Variants in RIC8B observed in about 807,000 individuals in gnomAD.
RIC8B encodes chaperone Ric-8B.
Under a neutral mutation model 57.5 loss-of-function variants are expected in RIC8B, and 16 were observed. The ratio of observed to expected loss-of-function variants is 0.28; its 90% CI spans 0.19 to 0.42. The LOEUF (loss-of-function observed/expected upper bound fraction) is 0.42, where lower values mean the gene tolerates loss of function less well. Ranked by LOEUF, RIC8B falls within the 10% of genes least tolerant of loss-of-function variation. The pLI is 1.00. For missense variants in RIC8B, 481 were observed against 677.0 expected (o/e 0.71, Z 3.21); for synonymous variants, 216 against 250.8 (o/e 0.86, Z 1.31).
rs1349244823 is a variant in RIC8B at position 106,879,834 on chromosome 12, C to G, written c.1572-6070C>G. 1.0e-6 allele frequency: 1 copy of G among 985,258 alleles called. No homozygotes were observed. The highest frequency in any genetic ancestry group is 1.7e-5 in the African/African-American group (1 of 57,220). The allele number at this position is 985,258 out of a possible 1,614,324, so 61.0% of individuals were successfully genotyped here. ...CAGATGCCTGATCAGATGAGAAGCCCGCCATGATACTGTCACAGTGCCTAG... is the reference window on the plus strand; with the variant it reads ...CAGATGCCTGATCAGATGAGAAGCCGGCCATGATACTGTCACAGTGCCTAG... On this transcript the variant is annotated intron_variant, in intron 9 of 9. Coordinates refer to ENST00000392837, the MANE Select transcript of RIC8B (RefSeq NM_001330145.2). The surrounding 1 kb of genome is among the most constrained non-coding windows in gnomAD (Gnocchi z 4.9).
At chr12:106,858,179 C>T (rs1040330020) in intron 7 of RIC8B, among the ~76,000 whole-genome samples, 7 of 152,020 alleles carry the variant, frequency 4.6e-5, no homozygotes, top group Admixed American at 1.3e-4. Context: ...TTTAATTTTT[C>T]GCCATTTTGT....
At chr12:106,832,219 A>AT (rs1230737820) in intron 4 of RIC8B, among the ~76,000 whole-genome samples, 1 of 151,930 alleles carries the variant, frequency 6.6e-6, no homozygotes, top group Non-Finnish European at 1.5e-5. Flanking sequence ...CATCTGCTTT[A>AT]TTTTTTTCAT....
intron 1 of RIC8B, among the ~76,000 whole-genome samples, chr12:106,783,592 C>G (rs1447640672): frequency 6.6e-6 from 1 of 152,196 alleles, no homozygotes; most frequent in Non-Finnish European, 1.5e-5. Flanking sequence ...GTCCTGTGTT[C>G]CAGTCTCACA....
At chr12:106,812,554 T>A (rs1028128398) in intron 2 of RIC8B, among the ~76,000 whole-genome samples, 1 of 152,136 alleles carries the variant, frequency 6.6e-6, no homozygotes, top group African/African-American at 2.4e-5. Context: ...ATATAATATT[T>A]TATAATACCT....
chr12:106,811,359 A>G (rs1166635026), intron 2 of RIC8B, among the ~76,000 whole-genome samples: 1 of 152,250 alleles, frequency 6.6e-6, no homozygotes, highest in African/African-American at 2.4e-5. Flanking sequence ...CTGGACCAGC[A>G]GTAGCATCAA....
intron 9 of RIC8B, among the ~76,000 whole-genome samples, chr12:106,874,162 A>G (rs926788172): frequency 1.3e-5 from 2 of 152,194 alleles, no homozygotes; most frequent in East Asian, 3.8e-4. Flanking sequence ...TTCATTTTCC[A>G]GAACTCAAGA....
chr12:106,856,250 G>A (rs994138901), intron 7 of RIC8B, among the ~76,000 whole-genome samples: 1 of 152,014 alleles, frequency 6.6e-6, no homozygotes, highest in Admixed American at 6.6e-5. Context: ...CTTCCACGTG[G>A]TTAACAGAGG....
At chr12:106,801,632 T>G (rs1169906482) in intron 2 of RIC8B, among the ~76,000 whole-genome samples, 3 of 152,192 alleles carry the variant, frequency 2.0e-5, no homozygotes, top group Non-Finnish European at 4.4e-5. Flanking sequence ...ATATTAATCT[T>G]TTACATGAAC....
rs2045495056 is a variant in RIC8B, at chr12:106,814,752, A to G, written c.189A>G (p.Gln63=). 6.2e-7 allele frequency: 1 copy of G among 1,613,840 alleles called. No homozygotes were observed. Among genetic ancestry groups the G allele is most frequent in the African/African-American group, 1.3e-5 (1 of 74,944 alleles). The change falls in exon 3 of 10, where the codon CAA becomes CAG. Residue 63 remains glutamine (Q), a synonymous_variant. Coordinates refer to ENST00000392837, the MANE Select transcript of RIC8B (RefSeq NM_001330145.2). ...VLIKDIPTTC[Q]VSCLEVLRIL... ...TAAAGGACATCCCAACAACATGTCA[A>G]GTGTCCTGCCTGGAAGTACTCCGCA...
chr12:106,844,493 AG>A, intron 6 of RIC8B, among the ~76,000 whole-genome samples: 1 of 152,306 alleles, frequency 6.6e-6, no homozygotes, highest in East Asian at 1.9e-4. Flanking sequence ...ACAATATGCA[AG>A]GGGGAGAGTG....
intron 8 of RIC8B, among the ~76,000 whole-genome samples, chr12:106,869,800 G>A (rs781654837): frequency 1.1e-4 from 17 of 152,066 alleles, no homozygotes; most frequent in African/African-American, 2.4e-4. Flanking sequence ...TTAGCCAGGC[G>A]TGGTGACACG....
intron 1 of RIC8B, among the ~76,000 whole-genome samples, chr12:106,780,182 C>A (rs929705212): frequency 6.6e-6 from 1 of 152,164 alleles, no homozygotes; most frequent in Non-Finnish European, 1.5e-5. Context: ...CCAACCCCCT[C>A]GTTTAATAGA....
At chr12:106,800,869 G>A (rs896589205) in intron 2 of RIC8B, among the ~76,000 whole-genome samples, 2 of 152,144 alleles carry the variant, frequency 1.3e-5, no homozygotes, top group African/African-American at 4.8e-5. Flanking sequence ...TATAGGACCA[G>A]GATTTATATC....
intron 9 of RIC8B, among the ~76,000 whole-genome samples, chr12:106,877,342 ACAG>A (rs1416685680): frequency 6.6e-6 from 1 of 152,124 alleles, no homozygotes; most frequent in South Asian, 2.1e-4. Flanking sequence ...GAAATTACCA[ACAG>A]CTCTCAAAAG....
chr12:106,776,385 A>G (rs968598099), intron 1 of RIC8B, among the ~76,000 whole-genome samples: 1 of 152,216 alleles, frequency 6.6e-6, no homozygotes, highest in Non-Finnish European at 1.5e-5. Flanking sequence ...GGCAGCTTCA[A>G]ACTGATTTTC....
At position 106,874,548 on chromosome 12, in the gene RIC8B, C is replaced by G; in HGVS notation, c.1571+3606C>G. The G allele has an allele frequency of 2.6e-6, 4 of 1,551,066 alleles. No homozygotes were observed. The Middle Eastern group carries it at 6.7e-4, about 259-fold the overall frequency. On this transcript the variant is annotated intron_variant, in intron 9 of 9. Transcript: ENST00000392837. The stretch of plus-strand genomic sequence containing the variant: ...ACAGTGGCCCGTGCCAAAGCACTTA[C>G]CAAAGTGATGATGACTAAGGTTGGT...
At chr12:106,857,754 A>G (rs537871595) in intron 7 of RIC8B, among the ~76,000 whole-genome samples, 25 of 152,202 alleles carry the variant, frequency 1.6e-4, no homozygotes, top group Non-Finnish European at 3.2e-4. Context: ...AGGATATTTT[A>G]TGGTGTATTT....
At chr12:106,774,996 C>G in intron 1 of RIC8B, 167 bp downstream of exon 1, 1 of 603,034 alleles carries the variant, frequency 1.7e-6, no homozygotes, top group East Asian at 2.8e-5. Context: ...CTTTTCCATC[C>G]ATGCATCCTG....
In RIC8B at chr12:106,815,211, A is replaced by ACCT. The variant is rs2045519497; in HGVS notation, c.653_655dup (p.Pro218dup). 1.2e-6 allele frequency: 2 copies of ACCT among 1,614,106 alleles called. No homozygotes were observed. The highest frequency in any genetic ancestry group is 4.5e-5 in the East Asian group (2 of 44,886). Reference sequence around the variant, plus strand: ...ATGAATCGGCCATAGACCATAATGGACCTCCTCTCTCACCTCAGGAGACAG... The same window carrying ACCT: ...ATGAATCGGCCATAGACCATAATGGACCTCCTCCTCTCTCACCTCAGGAGACAG... On this transcript the variant is annotated inframe_insertion, in exon 3 of 10. Coordinates refer to ENST00000392837, the MANE Select transcript of RIC8B (RefSeq NM_001330145.2).
Sources: allele counts gnomAD v4.1 joint callset (sites outside exome capture counted in the v4.1 genomes callset), GRCh38; gene constraint gnomAD v4.1.1; non-coding constraint Gnocchi (gnomAD v3.1); transcripts MANE v1.5; gene names NCBI Gene and HGNC (gene_info 2026-07-23, HGNC 2026-07-21).